Variants in ZNF438 observed in about 807,000 individuals in gnomAD.
The protein encoded by ZNF438 is zinc finger protein 438.
ZNF438 carries 25 observed loss-of-function variants against 38.0 expected under a neutral mutation model. That is an observed-to-expected ratio of 0.66 (90% CI 0.48 to 0.92). ZNF438 has a LOEUF of 0.92. Ranked by LOEUF, ZNF438 falls within the 40% of genes least tolerant of loss-of-function variation. The probability of loss-of-function intolerance (pLI) is 0.00; values close to 1 mark genes in which losing one functional copy is unlikely to be tolerated. For synonymous variants in ZNF438, 372 were observed against 364.1 expected (o/e 1.02, Z -0.25); for missense variants, 1,007 against 999.6 (o/e 1.01, Z -0.10).
At chr10:30,939,204 T>C (rs2046566423) in intron 2 of ZNF438, among the ~76,000 whole-genome samples, 1 of 152,228 alleles carries the variant, frequency 6.6e-6, no homozygotes, top group Non-Finnish European at 1.5e-5. Flanking sequence ...CTGAATAAAT[T>C]AAATTCTCTG....
chr10:30,863,979 C>A (rs1005345559), intron 4 of ZNF438, among the ~76,000 whole-genome samples: 2 of 152,130 alleles, frequency 1.3e-5, no homozygotes, highest in Admixed American at 6.5e-5. Context: ...AGACTCTTGG[C>A]GGCCCACATT....
At chr10:31,023,051 C>T (rs946871551) in intron 1 of ZNF438, among the ~76,000 whole-genome samples, 13 of 152,160 alleles carry the variant, frequency 8.5e-5, no homozygotes, top group Non-Finnish European at 1.8e-4. Flanking sequence ...TTTGCACCAA[C>T]CTAATACTTT....
At chr10:30,929,431 C>T (rs1042786611) in intron 2 of ZNF438, among the ~76,000 whole-genome samples, 2 of 152,176 alleles carry the variant, frequency 1.3e-5, no homozygotes, top group African/African-American at 4.8e-5. Context: ...GTTGTTCATT[C>T]CTCCTGGTGG....
chr10:30,874,114 G>GTATATATATATATATA (rs58422289), intron 4 of ZNF438, among the ~76,000 whole-genome samples: 7 of 80,276 alleles, frequency 8.7e-5, no homozygotes, highest in Non-Finnish European at 1.4e-4. Context: ...GTGTGTGTGT[G>GTATATATATATATATA]TATATATATA....
chr10:30,961,156 A>G (rs1415038443), intron 1 of ZNF438, among the ~76,000 whole-genome samples: 1 of 145,804 alleles, frequency 6.9e-6, no homozygotes, highest in African/African-American at 2.4e-5. Flanking sequence ...TCTTAAAAAA[A>G]AAAAAAGTTT....
At chr10:30,845,653 A>G in intron 5 of ZNF438, 80 bp from the exon 7 acceptor site, 1 of 1,508,070 alleles carries the variant, frequency 6.6e-7, no homozygotes, top group Non-Finnish European at 8.9e-7. Context: ...GTCAGCCTTC[A>G]GGGATCTAAA....
At chr10:31,027,940 A>G (rs2057046861) in intron 1 of ZNF438, among the ~76,000 whole-genome samples, 1 of 152,196 alleles carries the variant, frequency 6.6e-6, no homozygotes, top group South Asian at 2.1e-4. Flanking sequence ...CATGGTTTAA[A>G]TTTGAAATAC....
chr10:30,965,179 GA>G (rs1443125287), intron 1 of ZNF438, among the ~76,000 whole-genome samples: 1 of 152,070 alleles, frequency 6.6e-6, no homozygotes, highest in East Asian at 1.9e-4. Context: ...ACAAACATAT[GA>G]AAAAATGTTT....
chr10:30,875,118 G>C (rs766161051), intron 4 of ZNF438, among the ~76,000 whole-genome samples: 1 of 152,138 alleles, frequency 6.6e-6, no homozygotes, highest in African/African-American at 2.4e-5. Flanking sequence ...AAAAGACTGG[G>C]TAAGGAGGTT....
chr10:30,861,827 C>T (rs10466048), intron 4 of ZNF438, among the ~76,000 whole-genome samples: 58,233 of 151,894 alleles, frequency 0.38, 11,453 homozygotes, highest in Admixed American at 0.41. Context: ...TTGTAGCACG[C>T]AAAAGATTTT....
chr10:30,845,885 G>T (rs1015107713), intron 5 of ZNF438, among the ~76,000 whole-genome samples: 51 of 152,330 alleles, frequency 3.3e-4, no homozygotes, highest in African/African-American at 1.2e-3. Context: ...ACGTGGAAGA[G>T]TCACGTAAGA....
chr10:30,872,743 C>T (rs2037677585), intron 4 of ZNF438, among the ~76,000 whole-genome samples: 1 of 86,186 alleles, frequency 1.2e-5, no homozygotes. Context: ...GAGTGAGACT[C>T]TGTCTCAAAA....
At chr10:30,977,858 C>CTGTA (rs1272747994) in intron 1 of ZNF438, among the ~76,000 whole-genome samples, 1 of 151,844 alleles carries the variant, frequency 6.6e-6, no homozygotes, top group Non-Finnish European at 1.5e-5. Context: ...TGGCGGGCAC[C>CTGTA]TGTAGTCCCA....
intron 4 of ZNF438, among the ~76,000 whole-genome samples, chr10:30,862,588 A>C (rs2133193722): frequency 6.6e-6 from 1 of 152,292 alleles, no homozygotes; most frequent in African/African-American, 2.4e-5. Flanking sequence ...TACAAGCATA[A>C]GCCATTGCAC....
chr10:30,863,813 A>G (rs2035976837), intron 4 of ZNF438, among the ~76,000 whole-genome samples: 2 of 152,210 alleles, frequency 1.3e-5, no homozygotes, highest in Admixed American at 1.3e-4. Context: ...GTCTTCCTAC[A>G]GAACCTTGCC....
chr10:31,008,142 C>A (rs1338466642), intron 1 of ZNF438, among the ~76,000 whole-genome samples: 1 of 152,104 alleles, frequency 6.6e-6, no homozygotes, highest in African/African-American at 2.4e-5. Context: ...AAATCACAAG[C>A]CTGCAAGCAA....
intron 1 of ZNF438, among the ~76,000 whole-genome samples, chr10:30,998,909 C>T (rs964578088): frequency 5.9e-5 from 9 of 152,288 alleles, no homozygotes; most frequent in South Asian, 2.1e-4. Flanking sequence ...TTTCCATACA[C>T]TTTCTGAATC....
chr10:30,869,387 A>AAAAAGAAAAG (rs137921381), intron 4 of ZNF438, among the ~76,000 whole-genome samples: 20 of 150,682 alleles, frequency 1.3e-4, no homozygotes, highest in African/African-American at 4.4e-4. Flanking sequence ...AAACAAAACA[A>AAAAAGAAAAG]AAAAGAAAAG....
At chr10:30,910,377 G>A (rs2042958800) in intron 2 of ZNF438, 1 of 152,162 alleles carries the variant, frequency 6.6e-6, no homozygotes, top group Non-Finnish European at 1.5e-5. Flanking sequence ...TAGTTCTCCA[G>A]TCTGTGTCCA....
Sources: allele counts gnomAD v4.1 joint callset (sites outside exome capture counted in the v4.1 genomes callset), GRCh38; gene constraint gnomAD v4.1.1; transcripts MANE v1.5; gene names NCBI Gene and HGNC (gene_info 2026-07-23, HGNC 2026-07-21).